KIF25: variants seen among roughly 807,000 people sequenced by gnomAD.
KIF25 encodes the protein kinesin family member 25, also known as kinesin-like protein KIF25.
Under a neutral mutation model 32.9 loss-of-function variants are expected in KIF25, and 19 were observed. The ratio of observed to expected loss-of-function variants is 0.58; its 90% confidence interval spans 0.40 to 0.85. The LOEUF (loss-of-function observed/expected upper bound fraction) is 0.85, where lower values mean the gene tolerates loss of function less well. Among genes scored for constraint, KIF25 ranks in the 40% least tolerant of loss-of-function variants. KIF25 has a pLI of 0.00. For missense variants in KIF25, 485 were observed against 507.0 expected, an observed-to-expected ratio of 0.96 and a Z score of 0.42; for synonymous variants, 225 against 213.7, an observed-to-expected ratio of 1.05 and a Z score of -0.46.
At chr6:168,011,302 T>A (rs1798644175) in intron 4 of KIF25, among the ~76,000 whole-genome samples, 1 of 152,200 alleles carries the variant, frequency 6.6e-6, no homozygotes, top group Non-Finnish European at 1.5e-5. Context: ...TTTTATAGTT[T>A]TGTATTTTTT....
intron 7 of KIF25, 141 bp downstream of exon 7, chr6:168,030,988 A>G: frequency 1.6e-6 from 1 of 606,562 alleles, no homozygotes; most frequent in East Asian, 3.1e-5. Context: ...GTCACCCAGC[A>G]TGGACTCCAC....
intron 5 of KIF25, among the ~76,000 whole-genome samples, chr6:168,025,634 C>T (rs374471099): frequency 6.6e-6 from 1 of 152,118 alleles, no homozygotes; most frequent in African/African-American, 2.4e-5. Context: ...ACAGCGCCAG[C>T]TTAAGGAAGC....
In KIF25 at chr6:168,033,992, A is replaced by G. The variant is rs1366310823; in HGVS notation, c.278A>G (p.Asp93Gly). 6.2e-7 allele frequency: 1 copy of G among 1,614,182 alleles called. No homozygotes were observed. The highest frequency in any genetic ancestry group is 1.1e-5 in the South Asian group (1 of 91,082). ...GTTCTGCCGCTTGACCCACAGAGTG[A>G]CTTAGGAATTATCCCTAGAGTGGCT... is the stretch of plus-strand genomic sequence containing the variant. ...GPVLPLDPQS[D>G]LGIIPRVAEE... Residue 93 changes from aspartate to glycine, a missense_variant, in exon 8 of 13, where the codon GAC (aspartate) becomes GGC (glycine). Physicochemically the swap from Asp to Gly is moderately conservative, Grantham distance 94 (BLOSUM62 -1). Coordinates refer to ENST00000643607, the MANE Select transcript of KIF25 (RefSeq NM_030615.4).
At chr6:168,040,285 GC>G in intron 10 of KIF25, 69 bp downstream of exon 10, 1 of 1,486,862 alleles carries the variant, frequency 6.7e-7, no homozygotes, top group Non-Finnish European at 9.1e-7. Context: ...AAAAAATCAG[GC>G]CAGGCACAGT....
chr6:168,042,191 C>T (rs1466225645), intron 11 of KIF25, 40 bp downstream of exon 11: 1 of 1,532,080 alleles, frequency 6.5e-7, no homozygotes, highest in Middle Eastern at 2.3e-4. Flanking sequence ...GTGGGTGCTG[C>T]AGAAGCCTAT....
At chr6:168,000,663 T>G (rs548545138) in intron 2 of KIF25, among the ~76,000 whole-genome samples, 2 of 145,144 alleles carry the variant, frequency 1.4e-5, no homozygotes, top group South Asian at 2.3e-4. Flanking sequence ...CCCTCCCCAC[T>G]CCCATCCTGA....
intron 4 of KIF25, among the ~76,000 whole-genome samples, chr6:168,005,683 C>T (rs575311499): frequency 4.6e-5 from 7 of 152,304 alleles, no homozygotes; most frequent in South Asian, 4.2e-4. Flanking sequence ...GTCCGATGTT[C>T]GAGGGTAGGA....
chr6:168,016,873 C>A (rs533547530), intron 4 of KIF25, among the ~76,000 whole-genome samples: 3 of 152,310 alleles, frequency 2.0e-5, no homozygotes, highest in African/African-American at 7.2e-5. Flanking sequence ...GAGGCACAGC[C>A]GAGGCTCTGT....
intron 5 of KIF25, among the ~76,000 whole-genome samples, chr6:168,024,672 G>T (rs550968407): frequency 1.3e-5 from 2 of 152,016 alleles, no homozygotes; most frequent in Admixed American, 1.3e-4. Context: ...AGGAATGTTC[G>T]GGGCCGGGCA....
At chr6:168,001,057 C>A (rs940382931) in intron 2 of KIF25, among the ~76,000 whole-genome samples, 2 of 152,204 alleles carry the variant, frequency 1.3e-5, no homozygotes, top group African/African-American at 2.4e-5. Flanking sequence ...GGCTCTAGTA[C>A]TTTCTGCACT....
intron 5 of KIF25, among the ~76,000 whole-genome samples, chr6:168,027,321 C>T (rs1377808678): frequency 2.0e-5 from 3 of 151,904 alleles, no homozygotes; most frequent in Admixed American, 2.0e-4. Context: ...GACGTGGTGG[C>T]ACACACCTGT....
chr6:168,025,730 C>G (rs193164398), intron 5 of KIF25, among the ~76,000 whole-genome samples: 3 of 152,216 alleles, frequency 2.0e-5, no homozygotes, highest in Non-Finnish European at 2.9e-5. Context: ...CAATGCGCAC[C>G]TTCGGGTGCT....
intron 7 of KIF25, among the ~76,000 whole-genome samples, chr6:168,031,715 T>C (rs1315379676): frequency 6.6e-6 from 1 of 152,180 alleles, no homozygotes; most frequent in Non-Finnish European, 1.5e-5. Flanking sequence ...GTAAGCAGAT[T>C]CCAGAAATAA....
intron 12 of KIF25, among the ~76,000 whole-genome samples, chr6:168,043,808 C>T (rs868502920): frequency 2.0e-5 from 3 of 152,206 alleles, no homozygotes; most frequent in Admixed American, 6.5e-5. Flanking sequence ...TCCCCCTTAG[C>T]TCTCCCTTCC....
rs1798975088 is a variant in KIF25 at position 168,033,822 on chromosome 6, C to G, written c.168-60C>G. On this transcript the variant is annotated intron_variant, in intron 7 of 12. Transcript: ENST00000643607. Reference sequence around the variant, plus strand: ...GTTTCTCATACAAGTGAAAATTTTTCCTGGAATCTTCTTGGCACCCACGTG... The same window carrying G: ...GTTTCTCATACAAGTGAAAATTTTTGCTGGAATCTTCTTGGCACCCACGTG... 3.9e-6 allele frequency: 6 copies of G among 1,553,328 alleles called. No homozygotes were observed. The Admixed American group carries it at 1.1e-4, about 29-fold the overall frequency.
chr6:168,026,476 A>G (rs144359673), intron 5 of KIF25, among the ~76,000 whole-genome samples: 1 of 152,210 alleles, frequency 6.6e-6, no homozygotes. Context: ...CCGTGTTTTT[A>G]TAAACAGTGG....
chr6:168,042,430 ACT>A (rs1286184640), intron 11 of KIF25, 129 bp from the exon 12 acceptor site: 3 of 1,172,234 alleles, frequency 2.6e-6, no homozygotes, highest in Non-Finnish European at 3.6e-6. Flanking sequence ...AAAGACACTC[ACT>A]CTCATGCCTG....
At chr6:168,043,028 G>T (rs1376043796) in intron 12 of KIF25, among the ~76,000 whole-genome samples, 2 of 152,214 alleles carry the variant, frequency 1.3e-5, no homozygotes, top group Middle Eastern at 3.2e-3. Context: ...TCTCTAGGCT[G>T]CTGCTGCATG....
At chr6:168,014,375 C>T (rs575648011) in intron 4 of KIF25, among the ~76,000 whole-genome samples, 1 of 152,326 alleles carries the variant, frequency 6.6e-6, no homozygotes, top group East Asian at 1.9e-4. Context: ...TGCCAAAGTT[C>T]CACCGAATCT....
Sources: gnomAD v4.1 joint callset for allele counts (sites outside exome capture counted in the v4.1 genomes callset) on GRCh38, gnomAD v4.1.1 for gene constraint, MANE v1.5 for transcripts, NCBI Gene and HGNC (gene_info 2026-07-23, HGNC 2026-07-21) for gene names.